The following HCK variants were observed in gnomAD, a reference collection of about 807,000 sequenced individuals.
HCK encodes HCK proto-oncogene, Src family tyrosine kinase.
In HCK, 40 loss-of-function variants were observed where a neutral mutation model predicts 70.4. That is an observed-to-expected ratio of 0.57 (90% confidence interval 0.44 to 0.74). The LOEUF is 0.74. Ranked by LOEUF, HCK falls within the 30% of genes least tolerant of loss-of-function variation. The pLI is 0.00. For synonymous variants in HCK, 245 were observed against 263.2 expected (o/e 0.93, Z 0.67); for missense variants, 568 against 697.2 (o/e 0.81, Z 2.09).
At chr20:32,091,990 A>G (rs1214730716) in intron 10 of HCK, among the ~76,000 whole-genome samples, 2 of 151,838 alleles carry the variant, frequency 1.3e-5, no homozygotes, top group African/African-American at 4.8e-5. Context: ...AAGAAAAAAA[A>G]AAAGAAGAAA....
At chr20:32,064,072 C>A (rs930149390) in intron 1 of HCK, among the ~76,000 whole-genome samples, 1 of 143,094 alleles carries the variant, frequency 7.0e-6, no homozygotes, top group African/African-American at 2.6e-5. Context: ...GGCGCAATCT[C>A]GGCTCACTGC....
intron 1 of HCK, among the ~76,000 whole-genome samples, chr20:32,070,285 C>A (rs1038646783): frequency 6.6e-6 from 1 of 152,154 alleles, no homozygotes; most frequent in Non-Finnish European, 1.5e-5. Context: ...ATTTAAAGTG[C>A]AAATTGAATC....
intron 5 of HCK, among the ~76,000 whole-genome samples, chr20:32,077,936 G>A (rs949477709): frequency 6.6e-6 from 1 of 152,166 alleles, no homozygotes; most frequent in East Asian, 1.9e-4. Context: ...GTACTGAAGC[G>A]AATCTCCTGG....
chr20:32,061,023 G>A (rs150388534), intron 1 of HCK, among the ~76,000 whole-genome samples: 23 of 152,024 alleles, frequency 1.5e-4, no homozygotes, highest in African/African-American at 3.9e-4. Context: ...TTGCTCTGTT[G>A]CCCAGGCTGG....
rs372463603 is a variant in HCK, at chr20:32,073,863, A to G, written c.329+45A>G. 2.8e-5 allele frequency: 32 copies of G among 1,141,732 alleles called. No homozygotes were observed. The African/African-American group carries it at 3.4e-4, about 12-fold the overall frequency. 70.7% of individuals were successfully genotyped at this position (1,141,732 alleles called of 1,614,324 possible). ...CCCCTAAGACAGACCTGCCTCCTCT[A>G]CTCAACTATGTGCTCTTTTGTGCTT... is the stretch of plus-strand genomic sequence containing the variant. On this transcript the variant is annotated intron_variant, in intron 4 of 12. Coordinates refer to ENST00000375852, the MANE Select transcript of HCK (RefSeq NM_002110.5).
chr20:32,098,900 G>T, intron 11 of HCK, 104 bp from the exon 12 acceptor site: 1 of 1,278,976 alleles, frequency 7.8e-7, no homozygotes, highest in Non-Finnish European at 1.1e-6. Context: ...GGTCTGCAGG[G>T]GCAGATGTTG....
chr20:32,066,331 T>TTTTTTTTGGGA (rs60044994), intron 1 of HCK, among the ~76,000 whole-genome samples: 1 of 81,878 alleles, frequency 1.2e-5, no homozygotes, highest in Non-Finnish European at 2.3e-5. Flanking sequence ...TTTTTTTTTT[T>TTTTTTTTGGGA]GACAGAGTCT....
chr20:32,056,190 C>T (rs1168816353), intron 1 of HCK, among the ~76,000 whole-genome samples: 1 of 152,096 alleles, frequency 6.6e-6, no homozygotes, highest in Non-Finnish European at 1.5e-5. Flanking sequence ...GGGTATATAC[C>T]TGAAGTAGAG....
intron 6 of HCK, 106 bp downstream of exon 6, chr20:32,079,983 A>C: frequency 1.2e-6 from 1 of 812,782 alleles, no homozygotes; most frequent in Non-Finnish European, 2.1e-6. Flanking sequence ...GAAAAACCCA[A>C]CCAGGTGCTG....
chr20:32,094,849 G>T (rs967744821), intron 11 of HCK, among the ~76,000 whole-genome samples: 1 of 135,736 alleles, frequency 7.4e-6, no homozygotes, highest in East Asian at 2.3e-4. Context: ...AAGAAAGAAA[G>T]AAAAGAAAGA....
chr20:32,091,047 A>G (rs1052454938), intron 10 of HCK, among the ~76,000 whole-genome samples: 1 of 152,230 alleles, frequency 6.6e-6, no homozygotes, highest in African/African-American at 2.4e-5. Flanking sequence ...AAGAAAAGTG[A>G]GGTACAGAGA....
intron 1 of HCK, among the ~76,000 whole-genome samples, chr20:32,062,196 T>C (rs1219698539): frequency 6.6e-6 from 1 of 152,162 alleles, no homozygotes; most frequent in East Asian, 1.9e-4. Context: ...CGCTTCAGCC[T>C]CCCAAAGTGC....
chr20:32,052,404 G>A lies in HCK; in HGVS notation c.-21G>A. On this transcript the variant is annotated 5_prime_UTR_variant, in exon 1 of 13. Transcript: ENST00000375852. ...GTCAGTTTCCCGGCACTGGCACCCC[G>A]GAACCTCAGGGGCTGCCGAGCTGGG... The A allele has an allele frequency of 2.3e-6, 3 of 1,285,390 alleles. No homozygotes were observed. The highest frequency in any genetic ancestry group is 3.0e-6 in the Non-Finnish European group (3 of 1,007,040). 79.6% of individuals were successfully genotyped at this position (1,285,390 alleles called of 1,614,324 possible).
At position 32,052,792 on chromosome 20, in the gene HCK, CG is replaced by C. The variant is rs1491306961; in HGVS notation, c.62+310del. Among the ~76,000 whole-genome samples, 16 of 79,180 alleles carry C rather than the reference CG, an allele frequency of 2.0e-4. 1 individual carries two copies. In the South Asian group the frequency reaches 5.3e-3, roughly 26 times the overall value. 51.9% of individuals were successfully genotyped at this position (79,180 alleles called of 152,430 possible). A position where few individuals can be genotyped will look rare whatever the true frequency, so the allele number is the denominator to read the frequency against. On this transcript the variant is annotated intron_variant, in intron 1 of 12. Transcript: ENST00000375852. ...CCAGGTTCCCCTTCTTGGGGGGGGG[CG>C]GGGATTTTTTTTTTAATTTAAAAAA...
At chr20:32,090,418 CAT>C (rs2045848626) in intron 10 of HCK, among the ~76,000 whole-genome samples, 1 of 152,244 alleles carries the variant, frequency 6.6e-6, no homozygotes, top group Non-Finnish European at 1.5e-5. Flanking sequence ...CTGGACCACA[CAT>C]GTGGGGTTTC....
At position 32,088,618 on chromosome 20, in the gene HCK, CCAAAACTCATTGA is replaced by C; in HGVS notation, c.1068_1080del (p.Lys357SerfsTer87). 6.2e-7 allele frequency: 1 copy of C among 1,613,962 alleles called. No individual in the cohort carries two copies. Among genetic ancestry groups the C allele is most frequent in the Non-Finnish European group, 8.5e-7 (1 of 1,179,956 alleles). On this transcript the variant is annotated frameshift_variant, in exon 10 of 13. Transcript: ENST00000375852. LOFTEE classifies it high-confidence loss of function. ...TGATGAGGGCAGCAAGCAGCCATTGCCAAAACTCATTGACTTCTCAGCCCAGGTGAGAGCCTAA... is the reference window on the plus strand; with the variant it reads ...TGATGAGGGCAGCAAGCAGCCATTGCCTTCTCAGCCCAGGTGAGAGCCTAA...
chr20:32,078,558 C>A (rs887249493), intron 5 of HCK, among the ~76,000 whole-genome samples: 2 of 151,874 alleles, frequency 1.3e-5, no homozygotes, highest in African/African-American at 4.8e-5. Context: ...TCCTCAATTT[C>A]ATCATCCATA....
chr20:32,053,637 CAAAAAAA>C (rs1160849578), intron 1 of HCK, among the ~76,000 whole-genome samples: 12 of 60,826 alleles, frequency 2.0e-4, no homozygotes, highest in Middle Eastern at 0.018. Flanking sequence ...GACTCTGTCT[CAAAAAAA>C]AAAAAAAAAA....
At chr20:32,091,276 G>A (rs1368703311) in intron 10 of HCK, among the ~76,000 whole-genome samples, 1 of 152,206 alleles carries the variant, frequency 6.6e-6, no homozygotes, top group African/African-American at 2.4e-5. Flanking sequence ...GAAAAGCAAG[G>A]CAAAAAAGCT....
Sources: gnomAD v4.1 joint callset for allele counts (sites outside exome capture counted in the v4.1 genomes callset) on GRCh38, gnomAD v4.1.1 for gene constraint, MANE v1.5 for transcripts, NCBI Gene and HGNC (gene_info 2026-07-23, HGNC 2026-07-21) for gene names.